The following ATP4A variants were observed in gnomAD, a reference collection of about 807,000 sequenced individuals.
The protein encoded by ATP4A is ATPase H+/K+ transporting subunit alpha.
ATP4A carries 73 observed loss-of-function variants against 112.1 expected under a neutral mutation model. The observed-to-expected ratio is 0.65, with a 90% CI of 0.54 to 0.79. ATP4A has a LOEUF of 0.79. ATP4A is among the 30% of genes least tolerant of loss of function. ATP4A has a pLI of 0.00. For missense variants in ATP4A, 1,081 were observed against 1,425.9 expected (o/e 0.76, Z 3.90); for synonymous variants, 588 against 588.9 (o/e 1.00, Z 0.02).
rs2071598903 is a variant in ATP4A at position 35,551,059 on chromosome 19, G to A, written c.2938C>T (p.Leu980=). ...IVFQVCIGCF[L]CYCPGMPNIF... is the part of the protein sequence containing the mutation. ...TTGGGCATGCCGGGGCAGTAGCACAGGAAGCAGCCGATGCAGACCTGGAAC... is the reference window on the plus strand; with the variant it reads ...TTGGGCATGCCGGGGCAGTAGCACAAGAAGCAGCCGATGCAGACCTGGAAC... The change falls in exon 20 of 22, where the codon CTG becomes TTG. Residue 980 remains leucine, a synonymous_variant. Transcript: ENST00000262623. This position sits in a 1 kb window ranked among gnomAD's most constrained non-coding sequence, Gnocchi z 5.2. The A allele has an allele frequency of 6.2e-7, 1 of 1,613,768 alleles. No individual in the cohort carries two copies. Among genetic ancestry groups the A allele is most frequent in the Non-Finnish European group, 8.5e-7 (1 of 1,179,856 alleles).
At position 35,560,003 on chromosome 19, in the gene ATP4A, C is replaced by A; in HGVS notation, c.858G>T (p.Ser286=). The change falls in exon 7 of 22, where the codon TCG becomes TCT. Residue 286 remains serine (S), a synonymous_variant. Coordinates refer to ENST00000262623, the MANE Select transcript of ATP4A (RefSeq NM_000704.3). This position sits in a 1 kb window ranked among gnomAD's most constrained non-coding sequence, Gnocchi z 5.1. The part of the protein sequence containing the change: ...TIIGRIASLA[S]GVENEKTPIA... ...TGGGTGTCTTCTCGTTTTCCACCCCCGACGCCAGCGATGCGATGCGCCCAA... is the reference window on the plus strand; with the variant it reads ...TGGGTGTCTTCTCGTTTTCCACCCCAGACGCCAGCGATGCGATGCGCCCAA... 6.2e-7 allele frequency: 1 copy of A among 1,614,264 alleles called. No homozygotes were observed. The highest frequency in any genetic ancestry group is 1.3e-5 in the African/African-American group (1 of 75,070).
Position 35,553,815 on chromosome 19 carries a change from G to C in ATP4A, c.2496C>G (p.Ser832=). The C allele has an allele frequency of 6.3e-7, 1 of 1,581,024 alleles. No homozygotes were observed. Among genetic ancestry groups the C allele is most frequent in the Non-Finnish European group, 8.6e-7 (1 of 1,163,220 alleles). The change falls in exon 17 of 22, where the codon TCC becomes TCG. Residue 832 remains serine, a synonymous_variant. Coordinates refer to ENST00000262623, the MANE Select transcript of ATP4A (RefSeq NM_000704.3). ...ELCTDIFPSV[S]LAYEKAESDI... is the part of the protein sequence containing the mutation. Reference sequence around the variant, plus strand: ...CACTCTCGGCCTTTTCATATGCCAGGGACACAGATGGGAACTGGCCAGGAG... The same window carrying C: ...CACTCTCGGCCTTTTCATATGCCAGCGACACAGATGGGAACTGGCCAGGAG...
At chr19:35,561,092 C>A (rs1195730569) in intron 4 of ATP4A, among the ~76,000 whole-genome samples, 160 bp from the exon 5 acceptor site, 1 of 152,056 alleles carries the variant, frequency 6.6e-6, no homozygotes, top group Non-Finnish European at 1.5e-5. Flanking sequence ...CTTTAGCCCC[C>A]TCCCATGTCC....
At position 35,563,640 on chromosome 19, in the gene ATP4A, G is replaced by A. The variant is rs759672767; in HGVS notation, c.-11C>T. The A allele has an allele frequency of 6.2e-7, 1 of 1,613,904 alleles. No homozygotes were observed. Among genetic ancestry groups the A allele is most frequent in the Non-Finnish European group, 8.5e-7 (1 of 1,179,966 alleles). Reference sequence around the variant, plus strand: ...CACGGCCTTCCCCATGGTGCCCGGTGCCTGTGCTCCCACCCAACAGAGCCT... The same window carrying A: ...CACGGCCTTCCCCATGGTGCCCGGTACCTGTGCTCCCACCCAACAGAGCCT... On this transcript the variant is annotated 5_prime_UTR_variant, in exon 1 of 22. Coordinates refer to ENST00000262623, the MANE Select transcript of ATP4A (RefSeq NM_000704.3).
Position 35,559,855 on chromosome 19 carries a change from T to C in ATP4A, c.1006A>G (p.Met336Val), listed in dbSNP as rs1427658558. The C allele has an allele frequency of 3.1e-6, 5 of 1,614,118 alleles. No individual in the cohort carries two copies. Among genetic ancestry groups the C allele is most frequent in the Non-Finnish European group, 3.4e-6 (4 of 1,180,004 alleles). Residue 336 changes from methionine (M) to valine (V), a missense_variant, in exon 7 of 22, where the codon ATG (methionine) becomes GTG (valine). Physicochemically the swap from Met to Val is conservative, Grantham distance 21 (BLOSUM62 1). Coordinates refer to ENST00000262623, the MANE Select transcript of ATP4A (RefSeq NM_000704.3). The surrounding 1 kb of genome is among the most constrained non-coding windows in gnomAD (Gnocchi z 4.1). ...GGCACATAGGCCACCACGATGGCCATGAAGAAGACCATGGCCCGCAGGAAG... is the reference window on the plus strand; with the variant it reads ...GGCACATAGGCCACCACGATGGCCACGAAGAAGACCATGGCCCGCAGGAAG... ...YTFLRAMVFF[M>V]AIVVAYVPEG...
chr19:35,559,145 A>C lies in ATP4A; in HGVS notation c.1103T>G (p.Val368Gly), dbSNP rs1185194603. Residue 368 changes from valine to glycine, a missense_variant, in exon 8 of 22, where the codon GTG becomes GGG. Val to Gly is a moderately radical substitution (Grantham distance 109). Coordinates refer to ENST00000262623, the MANE Select transcript of ATP4A (RefSeq NM_000704.3). This position sits in a 1 kb window ranked among gnomAD's most constrained non-coding sequence, Gnocchi z 4.1. ...CTCCACCGCCTCCAGGTTCTTGACC[A>C]CGCAGTTCTTACTGGCCAGGCGCTT... ...TAKRLASKNC[V>G]VKNLEAVETL... 2 of 1,614,040 alleles carry C rather than the reference A, an allele frequency of 1.2e-6. No homozygotes were observed. Among genetic ancestry groups the C allele is most frequent in the African/African-American group, 2.7e-5 (2 of 74,920 alleles).
In ATP4A at chr19:35,562,331, G is replaced by A. The variant is rs182181592; in HGVS notation, c.420+104C>T. On this transcript the variant is annotated intron_variant, in intron 4 of 21. Coordinates refer to ENST00000262623, the MANE Select transcript of ATP4A (RefSeq NM_000704.3). The stretch of plus-strand genomic sequence containing the variant: ...TGTCTTGAGACTGCCTTTCGTGTTC[G>A]TCTATCCCCATCCTTCTCTGCCCCT... 2.5e-4 allele frequency: 337 copies of A among 1,355,082 alleles called. 1 individual carries two copies. In the African/African-American group the frequency reaches 4.3e-3, roughly 17 times the overall value. The allele number at this position is 1,355,082 out of a possible 1,614,324, so 83.9% of individuals were successfully genotyped here.
intron 16 of ATP4A, among the ~76,000 whole-genome samples, chr19:35,554,520 G>A (rs924195933): frequency 3.9e-5 from 6 of 152,176 alleles, no homozygotes; most frequent in African/African-American, 7.2e-5. Context: ...GGCTGCATTC[G>A]TGACTGTATC....
rs183928950 is a variant in ATP4A at position 35,560,092 on chromosome 19, G to A, written c.788-19C>T. On this transcript the variant is annotated intron_variant, in intron 6 of 21. Coordinates refer to ENST00000262623, the MANE Select transcript of ATP4A (RefSeq NM_000704.3). This position sits in a 1 kb window ranked among gnomAD's most constrained non-coding sequence, Gnocchi z 5.1. Reference sequence around the variant, plus strand: ...ACGGTGCCTGCAGGGGGGCCAAGGCGCGACTCAGGGATAGGGGGCGGCAGT... The same window carrying A: ...ACGGTGCCTGCAGGGGGGCCAAGGCACGACTCAGGGATAGGGGGCGGCAGT... The A allele has an allele frequency of 1.3e-3, 2,118 of 1,612,310 alleles. 27 individuals carry two copies. The African/African-American group carries it at 0.024, about 18-fold the overall frequency.
At position 35,558,242 on chromosome 19, in the gene ATP4A, G is replaced by A; in HGVS notation, c.1500+120C>T. The stretch of plus-strand genomic sequence containing the variant: ...TAGGCGGAGCGGGAGATGGGGTGGG[G>A]TTTGGCTGCGGAGAGAAGGGGCAAG... On this transcript the variant is annotated intron_variant, in intron 10 of 21. Transcript: ENST00000262623. The surrounding 1 kb of genome is among the most constrained non-coding windows in gnomAD (Gnocchi z 5.1). 7.5e-7 allele frequency: 1 copy of A among 1,326,000 alleles called. No homozygotes were observed. The highest frequency in any genetic ancestry group is 1.0e-6 in the Non-Finnish European group (1 of 989,412). 82.1% of individuals were successfully genotyped at this position (1,326,000 alleles called of 1,614,324 possible).
chr19:35,557,004 C>T lies in ATP4A; in HGVS notation c.1778G>A (p.Gly593Asp), dbSNP rs764144380. The change falls in exon 12 of 22, where the codon GGC (glycine) becomes GAC (aspartate). Residue 593 changes from glycine (G) to aspartate (D), a missense_variant. By Grantham distance (94) the Gly-to-Asp change is moderately conservative. This residue lies in a region of ATP4A where 850 missense variants were observed against 1,068.2 expected (regional missense o/e 0.80). Transcript: ENST00000262623. The surrounding 1 kb of genome is among the most constrained non-coding windows in gnomAD (Gnocchi z 4.4). The part of the protein sequence containing the change: ...DVEAMNFPSS[G>D]LCFAGLVSMI... The stretch of plus-strand genomic sequence containing the variant: ...GGATACAAGTCCCGCAAAGCAGAGG[C>T]CGCTAGATGGAAAGTTCATGGCCTC... The T allele has an allele frequency of 2.5e-6, 4 of 1,614,096 alleles. No homozygotes were observed. Among genetic ancestry groups the T allele is most frequent in the Non-Finnish European group, 2.5e-6 (3 of 1,180,046 alleles).
chr19:35,559,693 G>C lies in ATP4A; in HGVS notation c.1056+112C>G, dbSNP rs938225109. 2.7e-6 allele frequency: 4 copies of C among 1,456,940 alleles called. No homozygotes were observed. The highest frequency in any genetic ancestry group is 3.7e-6 in the Non-Finnish European group (4 of 1,087,118). 90.3% of individuals were successfully genotyped at this position (1,456,940 alleles called of 1,614,324 possible). ...GATGGGAAGGCAGGAGAATGGATGGGAGCTAAGTGGACAGATAGACAGGCA... is the reference window on the plus strand; with the variant it reads ...GATGGGAAGGCAGGAGAATGGATGGCAGCTAAGTGGACAGATAGACAGGCA... On this transcript the variant is annotated intron_variant, in intron 7 of 21. Transcript: ENST00000262623. This position sits in a 1 kb window ranked among gnomAD's most constrained non-coding sequence, Gnocchi z 4.1.
chr19:35,551,239 T>A lies in ATP4A; in HGVS notation c.2886-128A>T. 8.5e-7 allele frequency: 1 copy of A among 1,181,314 alleles called. No homozygotes were observed. Among genetic ancestry groups the A allele is most frequent in the Non-Finnish European group, 1.2e-6 (1 of 827,904 alleles). 73.2% of individuals were successfully genotyped at this position (1,181,314 alleles called of 1,614,324 possible). ...GTGTTCTACACACTGAACACTGGAG[T>A]GGCCCGGGCCTCTCAGCACCACCCC... On this transcript the variant is annotated intron_variant, in intron 19 of 21. Coordinates refer to ENST00000262623, the MANE Select transcript of ATP4A (RefSeq NM_000704.3). The surrounding 1 kb of genome is among the most constrained non-coding windows in gnomAD (Gnocchi z 5.2).
intron 17 of ATP4A, 80 bp downstream of exon 17, chr19:35,553,626 C>T: frequency 1.3e-6 from 2 of 1,562,978 alleles, no homozygotes; most frequent in Admixed American, 1.8e-5. Context: ...CCAGCCGGAG[C>T]CCAAGGCAGG....
chr19:35,556,977 A>G lies in ATP4A; in HGVS notation c.1805T>C (p.Met602Thr). Reference protein sequence around the residue: ...SGLCFAGLVSMIDPPRATVPD... With the variant: ...SGLCFAGLVSTIDPPRATVPD... Reference sequence around the variant, plus strand: ...GACGGTGGCCCGGGGTGGGTCAATCATGGATACAAGTCCCGCAAAGCAGAG... The same window carrying G: ...GACGGTGGCCCGGGGTGGGTCAATCGTGGATACAAGTCCCGCAAAGCAGAG... The change falls in exon 12 of 22, where the codon ATG (methionine) becomes ACG (threonine). Residue 602 changes from methionine to threonine, a missense_variant. Physicochemically the swap from Met to Thr is moderately conservative, Grantham distance 81. This residue lies in a region of ATP4A where 850 missense variants were observed against 1,068.2 expected (regional missense o/e 0.80). Transcript: ENST00000262623. 6.2e-7 allele frequency: 1 copy of G among 1,614,166 alleles called. No individual in the cohort carries two copies. The highest frequency in any genetic ancestry group is 8.5e-7 in the Non-Finnish European group (1 of 1,180,038).
At position 35,551,313 on chromosome 19, in the gene ATP4A, A is replaced by G; in HGVS notation, c.2885+134T>C. ...GTGGGGGGAGTTATTGGCCAGTTAG[A>G]AAGGTTTTTTTGGCATGTCACCATC... On this transcript the variant is annotated intron_variant, in intron 19 of 21. Transcript: ENST00000262623. The surrounding 1 kb of genome is among the most constrained non-coding windows in gnomAD (Gnocchi z 5.2). 6.9e-7 allele frequency: 1 copy of G among 1,443,018 alleles called. No homozygotes were observed. The highest frequency in any genetic ancestry group is 1.9e-5 in the Admixed American group (1 of 51,320). The allele number at this position is 1,443,018 out of a possible 1,614,324, so 89.4% of individuals were successfully genotyped here.
At position 35,563,616 on chromosome 19, in the gene ATP4A, A is replaced by G. The variant is rs745388778; in HGVS notation, c.12+2T>C. 3.4e-5 allele frequency: 55 copies of G among 1,610,402 alleles called. No homozygotes were observed. The highest frequency in any genetic ancestry group is 4.3e-5 in the Non-Finnish European group (51 of 1,178,480). ...CACCCCGGACCCCTGGGCCCCACTCACGGCCTTCCCCATGGTGCCCGGTGC... is the reference window on the plus strand; with the variant it reads ...CACCCCGGACCCCTGGGCCCCACTCGCGGCCTTCCCCATGGTGCCCGGTGC... On this transcript the variant is annotated splice_donor_variant, in intron 1 of 21. Transcript: ENST00000262623. LOFTEE classifies it high-confidence loss of function.
rs1354633609 is a variant in ATP4A, at chr19:35,560,084, G to T, written c.788-11C>A. 4.3e-6 allele frequency: 7 copies of T among 1,612,618 alleles called. No individual in the cohort carries two copies. The highest frequency in any genetic ancestry group is 1.7e-5 in the Admixed American group (1 of 59,956). ...GGCCCTGCACGGTGCCTGCAGGGGG[G>T]CCAAGGCGCGACTCAGGGATAGGGG... is the stretch of plus-strand genomic sequence containing the variant. On this transcript the variant is annotated splice_polypyrimidine_tract_variant and intron_variant, in intron 6 of 21. Transcript: ENST00000262623. The surrounding 1 kb of genome is among the most constrained non-coding windows in gnomAD (Gnocchi z 5.1).
In ATP4A at chr19:35,557,505, C is replaced by T; in HGVS notation, c.1693+150G>A. ...GGACAGACAGGGGTCAGGACTGGTA[C>T]AGGGAAAGTCAAGGGTGAGGCTGTG... On this transcript the variant is annotated intron_variant, in intron 11 of 21. Transcript: ENST00000262623. The surrounding 1 kb of genome is among the most constrained non-coding windows in gnomAD (Gnocchi z 4.4). The T allele has an allele frequency of 2.1e-6, 2 of 962,898 alleles. No individual in the cohort carries two copies. Among genetic ancestry groups the T allele is most frequent in the Non-Finnish European group, 3.0e-6 (2 of 661,120 alleles). The allele number at this position is 962,898 out of a possible 1,614,324, so 59.6% of individuals were successfully genotyped here. A position where few individuals can be genotyped will look rare whatever the true frequency, so the allele number is the denominator to read the frequency against.
Sources: gnomAD v4.1 joint callset for allele counts (sites outside exome capture counted in the v4.1 genomes callset) on GRCh38, gnomAD v4.1.1 for gene constraint, gnomAD v4.1.1 regional missense constraint, Gnocchi (gnomAD v3.1) non-coding constraint, MANE v1.5 for transcripts, NCBI Gene and HGNC (gene_info 2026-07-23, HGNC 2026-07-21) for gene names.